Variants in SLC25A46 observed in about 807,000 individuals in gnomAD.
SLC25A46 encodes solute carrier family 25 member 46, also known as mitochondrial outer membrane protein SLC25A46.
SLC25A46 carries 39 observed loss-of-function variants against 44.6 expected under a neutral mutation model. That is an observed-to-expected ratio of 0.87 (90% CI 0.68 to 1.14). The LOEUF (loss-of-function observed/expected upper bound fraction) is 1.14. Ranked by LOEUF, SLC25A46 falls within the 50% of genes most tolerant of loss-of-function variation. SLC25A46 has a pLI of 0.00. For missense variants in SLC25A46, 547 were observed against 522.7 expected, an observed-to-expected ratio of 1.05 and a Z score of -0.45; for synonymous variants, 202 against 185.8, an observed-to-expected ratio of 1.09 and a Z score of -0.71.
In SLC25A46 at chr5:110,763,803, T is replaced by C. The variant is rs1800320224; in HGVS notation, c.*2021T>C. The C allele has an allele frequency of 6.6e-6, 1 of 151,790 alleles. No homozygotes were observed. Among genetic ancestry groups the C allele is most frequent in the Admixed American group, 6.6e-5 (1 of 15,186 alleles). 9.4% of individuals were successfully genotyped at this position (151,790 alleles called of 1,614,324 possible). The stretch of plus-strand genomic sequence containing the variant: ...ATAAGGTTGATCTTGTTTTCCTTTT[T>C]GGAGAAAGAGAATACAAATTAACAT... On this transcript the variant is annotated 3_prime_UTR_variant, in exon 8 of 8. Coordinates refer to ENST00000355943, the MANE Select transcript of SLC25A46 (RefSeq NM_138773.4).
chr5:110,738,433 A>G (rs1012541150), upstream of SLC25A46, among the ~76,000 whole-genome samples: 2 of 152,212 alleles, frequency 1.3e-5, no homozygotes, highest in African/African-American at 4.8e-5. Flanking sequence ...CCAGGAGGAC[A>G]GTATTCGAGT....
upstream of SLC25A46, chr5:110,738,260 G>A (rs985182726): frequency 2.3e-6 from 3 of 1,284,370 alleles, no homozygotes; most frequent in African/African-American, 1.5e-5. Flanking sequence ...AGTAGGGGAC[G>A]CTCTACAGTA....
At chr5:110,757,808 G>A (rs1800154254) in intron 7 of SLC25A46, among the ~76,000 whole-genome samples, 1 of 151,992 alleles carries the variant, frequency 6.6e-6, no homozygotes, top group South Asian at 2.1e-4. Context: ...AATTATTTAA[G>A]GAAAAACAAC....
rs771408115 is a variant in SLC25A46 at position 110,740,499 on chromosome 5, G to A, written c.283+1097G>A. ...AGGAGGAGTTCCTTGACACAAGCAG[G>A]GGTTTATTTTGCAGCCTTAACAGGT... On this transcript the variant is annotated intron_variant, in intron 1 of 7. Transcript: ENST00000355943. 7.9e-5 allele frequency among the ~76,000 whole-genome samples: 12 copies of A among 152,174 alleles called. No homozygotes were observed. In the South Asian group the frequency reaches 1.0e-3, roughly 13 times the overall value.
chr5:110,739,379 G>A lies in SLC25A46; in HGVS notation c.260G>A (p.Gly87Asp). The A allele has an allele frequency of 6.5e-7, 1 of 1,548,914 alleles. No individual in the cohort carries two copies. The highest frequency in any genetic ancestry group is 8.7e-7 in the Non-Finnish European group (1 of 1,150,792). ...GAACCCTTTTCCAGTGGCGGCGGCGGCAGTGTGCAGGGGCAGAGCAGTGGT... is the reference window on the plus strand; with the variant it reads ...GAACCCTTTTCCAGTGGCGGCGGCGACAGTGTGCAGGGGCAGAGCAGTGGT... Reference protein sequence around the residue: ...TEEPFSSGGGGSVQGQSSEQL... With the variant: ...TEEPFSSGGGDSVQGQSSEQL... Residue 87 changes from glycine to aspartate, a missense_variant, in exon 1 of 8, where the codon GGC becomes GAC. Transcript: ENST00000355943.
At position 110,739,713 on chromosome 5, in the gene SLC25A46, C is replaced by A. The variant is rs665063; in HGVS notation, c.283+311C>A. ...AAAGGAGATTGGATTATTAACTGTT[C>A]CCTGATTCACTTTGGCAGCTCTATT... On this transcript the variant is annotated intron_variant, in intron 1 of 7. Transcript: ENST00000355943. Among the ~76,000 whole-genome samples, 129,488 of 152,204 alleles carry A rather than the reference C, an allele frequency of 0.85. 55,536 individuals are homozygous for A. The highest frequency in any genetic ancestry group is 0.91 in the East Asian group (4,746 of 5,188).
chr5:110,751,678 C>G (rs1799972257), intron 5 of SLC25A46, among the ~76,000 whole-genome samples: 2 of 152,058 alleles, frequency 1.3e-5, no homozygotes, highest in South Asian at 4.1e-4. Flanking sequence ...TCTTAGTATT[C>G]TATTACAATA....
At position 110,755,481 on chromosome 5, in the gene SLC25A46, T is replaced by C; in HGVS notation, c.580T>C (p.Trp194Arg). 1 of 1,575,662 alleles carries C rather than the reference T, an allele frequency of 6.3e-7. No individual in the cohort carries two copies. The highest frequency in any genetic ancestry group is 1.2e-5 in the South Asian group (1 of 84,482). ...TPLPREVLHKWSPKQIGEHLL... is the reference protein window; with the variant it reads ...TPLPREVLHKRSPKQIGEHLL... ...ATGTTTTAGGGAGGTTTTACATAAA[T>C]GGAGTCCTAAACAAATAGGAGAACA... The change falls in exon 6 of 8, where the codon TGG (tryptophan) becomes CGG (arginine). Residue 194 changes from tryptophan (W) to arginine (R), a missense_variant. Coordinates refer to ENST00000355943, the MANE Select transcript of SLC25A46 (RefSeq NM_138773.4).
At chr5:110,748,491 T>TA (rs955622660) in intron 5 of SLC25A46, among the ~76,000 whole-genome samples, 1 of 151,912 alleles carries the variant, frequency 6.6e-6, no homozygotes, top group African/African-American at 2.4e-5. Flanking sequence ...TAATAATAAA[T>TA]AAAAAATACC....
At chr5:110,740,106 G>A (rs1799611759) in intron 1 of SLC25A46, among the ~76,000 whole-genome samples, 1 of 152,018 alleles carries the variant, frequency 6.6e-6, no homozygotes, top group Non-Finnish European at 1.5e-5. Flanking sequence ...ATAGGACTTC[G>A]GAATCATGAC....
chr5:110,757,425 T>G (rs954296409), intron 7 of SLC25A46, among the ~76,000 whole-genome samples: 11 of 152,150 alleles, frequency 7.2e-5, no homozygotes, highest in Non-Finnish European at 1.3e-4. Flanking sequence ...TCCAACTATT[T>G]GTACACCTGT....
At chr5:110,755,646 C>A in intron 6 of SLC25A46, 125 bp downstream of exon 6, 1 of 532,504 alleles carries the variant, frequency 1.9e-6, no homozygotes, top group South Asian at 3.4e-5. Flanking sequence ...GTTGGTGGGA[C>A]TATAACTTCA....
At chr5:110,754,709 G>A (rs1290603944) in intron 5 of SLC25A46, 1 of 152,010 alleles carries the variant, frequency 6.6e-6, no homozygotes, top group Non-Finnish European at 1.5e-5. Context: ...AGTAAGACAA[G>A]TGTGACAATA....
At chr5:110,740,086 C>A (rs889514051) in intron 1 of SLC25A46, among the ~76,000 whole-genome samples, 26 of 152,148 alleles carry the variant, frequency 1.7e-4, no homozygotes, top group African/African-American at 6.3e-4. Flanking sequence ...AACACTGATA[C>A]AATTTCAAGA....
chr5:110,745,592 AT>A (rs1330611482), intron 3 of SLC25A46: 1 of 152,134 alleles, frequency 6.6e-6, no homozygotes, highest in Non-Finnish European at 1.5e-5. Flanking sequence ...TGCTTCCTGT[AT>A]TTGTTAGCTG....
intron 3 of SLC25A46, among the ~76,000 whole-genome samples, chr5:110,744,247 G>C (rs1036467091): frequency 6.6e-6 from 1 of 152,132 alleles, no homozygotes; most frequent in African/African-American, 2.4e-5. Flanking sequence ...TTGAAAGCAG[G>C]AGAGGAGTAT....
chr5:110,753,297 G>A (rs1285564101), intron 5 of SLC25A46: 1 of 100,900 alleles, frequency 9.9e-6, no homozygotes, highest in Non-Finnish European at 2.0e-5. Context: ...GTAGGTTGGG[G>A]TAAGTTTTTT....
chr5:110,757,650 G>A (rs1047553732), intron 7 of SLC25A46, among the ~76,000 whole-genome samples: 10 of 151,866 alleles, frequency 6.6e-5, no homozygotes, highest in African/African-American at 2.2e-4. Context: ...TTAGTGTCTT[G>A]CGACCCAAAT....
At position 110,762,156 on chromosome 5, in the gene SLC25A46, T is replaced by C. The variant is rs919044000; in HGVS notation, c.*374T>C. 2 of 203,576 alleles carry C rather than the reference T, an allele frequency of 9.8e-6. No homozygotes were observed. The highest frequency in any genetic ancestry group is 2.0e-5 in the Non-Finnish European group (2 of 99,772). 12.6% of individuals were successfully genotyped at this position (203,576 alleles called of 1,614,324 possible). ...CCAAACGTTTATTTTACCTCCTAGATTGATGTTGGTATAGTATCCTTAATA... is the reference window on the plus strand; with the variant it reads ...CCAAACGTTTATTTTACCTCCTAGACTGATGTTGGTATAGTATCCTTAATA... On this transcript the variant is annotated 3_prime_UTR_variant, in exon 8 of 8. Transcript: ENST00000355943.
Sources: gnomAD v4.1 joint callset for allele counts (sites outside exome capture counted in the v4.1 genomes callset) on GRCh38, gnomAD v4.1.1 for gene constraint, MANE v1.5 for transcripts, NCBI Gene and HGNC (gene_info 2026-07-23, HGNC 2026-07-21) for gene names.